Variants in CDCA7L observed in about 807,000 individuals in gnomAD.
The protein encoded by CDCA7L is cell division cycle associated 7 like, also known as cell division cycle-associated 7-like protein.
A neutral mutation model predicts 57.4 loss-of-function variants in CDCA7L; 44 were observed. The ratio of observed to expected loss-of-function variants is 0.77; its 90% CI spans 0.60 to 0.98. CDCA7L has a LOEUF of 0.98. CDCA7L is among the 50% of genes least tolerant of loss of function. The pLI, the probability that CDCA7L is intolerant of heterozygous loss-of-function variation, is 0.00. For missense variants in CDCA7L, 644 were observed against 580.6 expected, an observed-to-expected ratio of 1.11 and a Z score of -1.12; for synonymous variants, 236 against 202.8, an observed-to-expected ratio of 1.16 and a Z score of -1.39.
At chr7:21,903,864 G>GT (rs1785035023) in intron 8 of CDCA7L, 6 of 387,558 alleles carry the variant, frequency 1.5e-5, no homozygotes, top group Non-Finnish European at 2.8e-5. Context: ...CTAGAGGACT[G>GT]TAAGCAAGTT....
chr7:21,926,507 A>G (rs1185179117), intron 1 of CDCA7L, among the ~76,000 whole-genome samples: 1 of 152,210 alleles, frequency 6.6e-6, no homozygotes, highest in Non-Finnish European at 1.5e-5. Context: ...TCTCCAAGGA[A>G]GCTATACAAA....
At chr7:21,906,821 G>T (rs1032969666) in intron 4 of CDCA7L, among the ~76,000 whole-genome samples, 182 bp from the exon 5 acceptor site, 2 of 152,090 alleles carry the variant, frequency 1.3e-5, no homozygotes, top group Admixed American at 1.3e-4. Context: ...GACCTGAGAT[G>T]CTGATGTCAT....
At chr7:21,919,653 GCTCCCTCATCT>G (rs1214625532) in intron 1 of CDCA7L, among the ~76,000 whole-genome samples, 18 of 152,138 alleles carry the variant, frequency 1.2e-4, no homozygotes, top group Middle Eastern at 3.4e-3. Context: ...TTCTTCCTCT[GCTCCCTCATCT>G]CTCCCTCATC....
At chr7:21,928,212 CCTGA>C (rs1291606613) in intron 1 of CDCA7L, among the ~76,000 whole-genome samples, 3 of 152,104 alleles carry the variant, frequency 2.0e-5, no homozygotes, top group Non-Finnish European at 4.4e-5. Flanking sequence ...AGCAGAGGGG[CCTGA>C]CTGTTAGAAG....
In CDCA7L at chr7:21,916,854, T is replaced by C. The variant is rs756998843; in HGVS notation, c.65A>G (p.Asp22Gly). The change falls in exon 2 of 10, where the codon GAT (aspartate) becomes GGT (glycine). Residue 22 changes from aspartate (D) to glycine (G), a missense_variant. Asp to Gly is a moderately conservative substitution (Grantham distance 94). Coordinates refer to ENST00000406877, the MANE Select transcript of CDCA7L (RefSeq NM_018719.5). ...EVADIFNAPS[D>G]DEEFVGFRDD... ...TCGGAAGCCAACAAACTCTTCATCA[T>C]CACTGGGGGCGTTAAAGATGTCAGC... 6.2e-7 allele frequency: 1 copy of C among 1,614,114 alleles called. No individual in the cohort carries two copies. Among genetic ancestry groups the C allele is most frequent in the Non-Finnish European group, 8.5e-7 (1 of 1,179,990 alleles).
At chr7:21,942,242 C>T (rs908267583) in intron 1 of CDCA7L, among the ~76,000 whole-genome samples, 10 of 152,198 alleles carry the variant, frequency 6.6e-5, no homozygotes, top group Non-Finnish European at 1.5e-4. Flanking sequence ...AGACTCCACA[C>T]TTTATTTCTG....
rs139352735 is a variant in CDCA7L, at chr7:21,934,223, A to C, written c.24+11558T>G. 4.3e-3 allele frequency among the ~76,000 whole-genome samples: 648 copies of C among 152,320 alleles called. 3 individuals are homozygous for C. The highest frequency in any genetic ancestry group is 0.014 in the African/African-American group (590 of 41,568). ...TTCTAAAGGATTAAAAATACTTACGAATCTGTTCATGGATACACAACACAT... is the reference window on the plus strand; with the variant it reads ...TTCTAAAGGATTAAAAATACTTACGCATCTGTTCATGGATACACAACACAT... On this transcript the variant is annotated intron_variant, in intron 1 of 9. Transcript: ENST00000406877.
In CDCA7L at chr7:21,900,973, C is replaced by A. The variant is rs190739961; in HGVS notation, c.*1349G>T. 343 of 1,534,102 alleles carry A rather than the reference C, an allele frequency of 2.2e-4. No homozygotes were observed. Among genetic ancestry groups the A allele is most frequent in the Non-Finnish European group, 2.8e-4 (322 of 1,141,430 alleles). Reference sequence around the variant, plus strand: ...GATCATTATCATTAGTAGCAAGCTGCCACACAATTGCAACCGCTGTGTTTT... The same window carrying A: ...GATCATTATCATTAGTAGCAAGCTGACACACAATTGCAACCGCTGTGTTTT... On this transcript the variant is annotated 3_prime_UTR_variant, in exon 10 of 10. Coordinates refer to ENST00000406877, the MANE Select transcript of CDCA7L (RefSeq NM_018719.5).
rs1218303057 is a variant in CDCA7L at position 21,904,237 on chromosome 7, C to G, written c.1070G>C (p.Arg357Pro). 3 of 1,610,304 alleles carry G rather than the reference C, an allele frequency of 1.9e-6. No individual in the cohort carries two copies. Among genetic ancestry groups the G allele is most frequent in the African/African-American group, 1.3e-5 (1 of 74,806 alleles). Residue 357 changes from arginine to proline, a missense_variant, in exon 8 of 10, where the codon CGA becomes CCA. By Grantham distance (103) the Arg-to-Pro change is moderately radical. Coordinates refer to ENST00000406877, the MANE Select transcript of CDCA7L (RefSeq NM_018719.5). Reference sequence around the variant, plus strand: ...TGTCTTGGTGTCGATGGTCTTTTGTCGACACTGATGGCACGTGTTACCCTA... The same window carrying G: ...TGTCTTGGTGTCGATGGTCTTTTGTGGACACTGATGGCACGTGTTACCCTA... Reference protein sequence around the residue: ...KVLGNTCHQCRQKTIDTKTVC... With the variant: ...KVLGNTCHQCPQKTIDTKTVC...
intron 7 of CDCA7L, among the ~76,000 whole-genome samples, chr7:21,905,293 CA>C (rs1013444294): frequency 1.3e-5 from 2 of 152,118 alleles, no homozygotes; most frequent in African/African-American, 4.8e-5. Flanking sequence ...AGATTCTACG[CA>C]TCCCTAAGAG....
At chr7:21,936,319 A>G (rs1005252066) in intron 1 of CDCA7L, among the ~76,000 whole-genome samples, 1 of 152,156 alleles carries the variant, frequency 6.6e-6, no homozygotes, top group Non-Finnish European at 1.5e-5. Context: ...AACACTTGAA[A>G]CTCATTCTAT....
At chr7:21,904,298 A>G (rs751663913) in intron 7 of CDCA7L, 39 bp from the exon 8 acceptor site, 3 of 1,543,702 alleles carry the variant, frequency 1.9e-6, no homozygotes, top group Non-Finnish European at 2.6e-6. Context: ...ACACAGGGAT[A>G]TGCTGATGCC....
intron 1 of CDCA7L, among the ~76,000 whole-genome samples, chr7:21,928,355 G>A (rs1785889889): frequency 6.6e-6 from 1 of 152,092 alleles, no homozygotes; most frequent in African/African-American, 2.4e-5. Flanking sequence ...GGAAAAACCA[G>A]CACAAAAAGG....
chr7:21,909,037 A>G (rs574575458), intron 3 of CDCA7L, among the ~76,000 whole-genome samples: 1 of 152,202 alleles, frequency 6.6e-6, no homozygotes, highest in Non-Finnish European at 1.5e-5. Context: ...TCCTCAGTCA[A>G]GGGGCACCTT....
At chr7:21,943,169 A>C (rs59795414) in intron 1 of CDCA7L, among the ~76,000 whole-genome samples, 3,186 of 152,274 alleles carry the variant, frequency 0.021, 117 homozygotes, top group African/African-American at 0.072. Context: ...CTGTCATTTT[A>C]TATAAAAGCA....
intron 7 of CDCA7L, among the ~76,000 whole-genome samples, chr7:21,905,063 AAC>A (rs1399810798): frequency 9.8e-5 from 15 of 152,296 alleles, no homozygotes; most frequent in Admixed American, 5.9e-4. Context: ...TATCCAGAAA[AAC>A]ACAAAAAAAA....
Position 21,900,900 on chromosome 7 carries a change from A to G in CDCA7L, c.*1422T>C, listed in dbSNP as rs1267373707. Reference sequence around the variant, plus strand: ...AAAAATACCACTGACAAGCAAAAATATGACAAAACCAGAATGTTGAATGTT... The same window carrying G: ...AAAAATACCACTGACAAGCAAAAATGTGACAAAACCAGAATGTTGAATGTT... On this transcript the variant is annotated 3_prime_UTR_variant, in exon 10 of 10. Transcript: ENST00000406877. 1.4e-6 allele frequency: 2 copies of G among 1,474,568 alleles called. No homozygotes were observed. The highest frequency in any genetic ancestry group is 2.8e-5 in the African/African-American group (2 of 70,486). The allele number at this position is 1,474,568 out of a possible 1,614,324, so 91.3% of individuals were successfully genotyped here. A position where few individuals can be genotyped will look rare whatever the true frequency, so the allele number is the denominator to read the frequency against.
At chr7:21,914,956 T>C (rs1460207631) in intron 2 of CDCA7L, among the ~76,000 whole-genome samples, 1 of 152,172 alleles carries the variant, frequency 6.6e-6, no homozygotes, top group Non-Finnish European at 1.5e-5. Flanking sequence ...CCTTTAGACA[T>C]GTTCTGCCTT....
intron 1 of CDCA7L, among the ~76,000 whole-genome samples, chr7:21,929,423 T>C (rs1050469186): frequency 6.6e-6 from 1 of 152,064 alleles, no homozygotes; most frequent in Non-Finnish European, 1.5e-5. Context: ...CCAGCTAGCA[T>C]CATAATAACA....
Sources: allele counts gnomAD v4.1 joint callset (sites outside exome capture counted in the v4.1 genomes callset), GRCh38; gene constraint gnomAD v4.1.1; transcripts MANE v1.5; gene names NCBI Gene and HGNC (gene_info 2026-07-23, HGNC 2026-07-21).